The following ORC5 variants were observed in gnomAD, a reference collection of about 807,000 sequenced individuals.
ORC5 encodes protein phosphatase 1, regulatory subunit 117.
ORC5 carries 39 observed loss-of-function variants against 58.8 expected under a neutral mutation model. The ratio of observed to expected loss-of-function variants is 0.66; its 90% CI spans 0.51 to 0.87. The LOEUF is 0.87. Among genes scored for constraint, ORC5 ranks in the 40% least tolerant of loss-of-function variants. The probability of loss-of-function intolerance (pLI) is 0.00; values close to 1 mark genes in which losing one functional copy is unlikely to be tolerated. For missense variants in ORC5, 493 were observed against 506.3 expected (o/e 0.97, Z 0.25); for synonymous variants, 218 against 177.6 (o/e 1.23, Z -1.81).
chr7:104,181,610 G>A (rs1168481969), intron 8 of ORC5, among the ~76,000 whole-genome samples: 1 of 151,706 alleles, frequency 6.6e-6, no homozygotes, highest in Non-Finnish European at 1.5e-5. Context: ...ACGGTGAAAT[G>A]CTGTCTCTAC....
At chr7:104,159,145 C>T (rs1476600082) in intron 12 of ORC5, among the ~76,000 whole-genome samples, 2 of 150,474 alleles carry the variant, frequency 1.3e-5, no homozygotes, top group Non-Finnish European at 2.9e-5. Context: ...TACTATGCAG[C>T]CATAAAAAAT....
chr7:104,163,246 C>A (rs1799052549), intron 11 of ORC5, among the ~76,000 whole-genome samples: 2 of 152,150 alleles, frequency 1.3e-5, no homozygotes, highest in Admixed American at 1.3e-4. Context: ...GTCTCTCCTG[C>A]AGTTAGATAG....
At chr7:104,172,275 A>T (rs1490723666) in intron 8 of ORC5, among the ~76,000 whole-genome samples, 3 of 152,208 alleles carry the variant, frequency 2.0e-5, no homozygotes, top group Non-Finnish European at 4.4e-5. Context: ...AAGTCCTTTC[A>T]TTATTATGTA....
Position 104,129,717 on chromosome 7 carries a change from G to A in ORC5, c.1263-2824C>T, listed in dbSNP as rs1798485843. Reference sequence around the variant, plus strand: ...TCCCTGGCTTTCCATGGTCACAGATGCATATTATAGTCACGTAAGTATAAT... The same window carrying A: ...TCCCTGGCTTTCCATGGTCACAGATACATATTATAGTCACGTAAGTATAAT... On this transcript the variant is annotated intron_variant, in intron 13 of 13. Coordinates refer to ENST00000297431, the MANE Select transcript of ORC5 (RefSeq NM_002553.4). This position sits in a 1 kb window ranked among gnomAD's most constrained non-coding sequence, Gnocchi z 4.9. 6.6e-6 allele frequency among the ~76,000 whole-genome samples: 1 copy of A among 152,160 alleles called. No individual in the cohort carries two copies. The highest frequency in any genetic ancestry group is 2.1e-4 in the South Asian group (1 of 4,826).
intron 5 of ORC5, among the ~76,000 whole-genome samples, chr7:104,189,667 G>A (rs181828065): frequency 1.3e-5 from 2 of 152,248 alleles, no homozygotes; most frequent in East Asian, 3.9e-4. Flanking sequence ...ATATCCACAT[G>A]CTGAGAGGGT....
chr7:104,184,391 T>A (rs1344129321), intron 6 of ORC5: 11 of 507,938 alleles, frequency 2.2e-5, no homozygotes, highest in Non-Finnish European at 3.1e-5. Flanking sequence ...AAGCCTGTAG[T>A]GTGCTGTGAC....
chr7:104,136,769 A>C lies in ORC5; in HGVS notation c.1262+12T>G. 6.6e-7 allele frequency: 1 copy of C among 1,526,582 alleles called. No individual in the cohort carries two copies. Among genetic ancestry groups the C allele is most frequent in the Non-Finnish European group, 9.1e-7 (1 of 1,100,710 alleles). 94.6% of individuals were successfully genotyped at this position (1,526,582 alleles called of 1,614,324 possible). ...TATTTAGTATATCATTACATAATTC[A>C]AGACATTTTACCTTGCAATAGCTCT... On this transcript the variant is annotated intron_variant, in intron 13 of 13. Transcript: ENST00000297431. The surrounding 1 kb of genome is among the most constrained non-coding windows in gnomAD (Gnocchi z 4.2).
Position 104,183,976 on chromosome 7 carries a change from G to T in ORC5, c.791C>A (p.Ala264Asp). The change falls in exon 8 of 14, where the codon GCT (alanine) becomes GAT (aspartate). Residue 264 changes from alanine (A) to aspartate (D), a missense_variant. Around this residue, in one of 3 missense-constraint regions of ORC5, gnomAD observed 412 missense variants for 403.7 expected, o/e 1.02. Coordinates refer to ENST00000297431, the MANE Select transcript of ORC5 (RefSeq NM_002553.4). Reference sequence around the variant, plus strand: ...TTCCCTGAGATAAACAGTCTGCATAGCTTTCTTCAAATGAGGTTCAATATT... The same window carrying T: ...TTCCCTGAGATAAACAGTCTGCATATCTTTCTTCAAATGAGGTTCAATATT... ...WRNIEPHLKK[A>D]MQTVYLREIS... 6.2e-7 allele frequency: 1 copy of T among 1,613,340 alleles called. No homozygotes were observed. The highest frequency in any genetic ancestry group is 8.5e-7 in the Non-Finnish European group (1 of 1,179,568).
At chr7:104,174,086 C>T (rs910216849) in intron 8 of ORC5, among the ~76,000 whole-genome samples, 104 of 151,924 alleles carry the variant, frequency 6.8e-4, no homozygotes, top group African/African-American at 2.4e-3. Context: ...CCTCGTGATC[C>T]GCCCGCCTCG....
At chr7:104,189,315 C>CGGATTCTTATAAA (rs1355923308) in intron 5 of ORC5, among the ~76,000 whole-genome samples, 2 of 152,058 alleles carry the variant, frequency 1.3e-5, no homozygotes, top group Non-Finnish European at 2.9e-5. Context: ...GAATGAGTGC[C>CGGATTCTTATAAA]AGCAGGGAAA....
intron 11 of ORC5, among the ~76,000 whole-genome samples, chr7:104,161,994 A>C (rs905197396): frequency 6.6e-6 from 1 of 152,190 alleles, no homozygotes; most frequent in African/African-American, 2.4e-5. Flanking sequence ...AAAACTAATA[A>C]AATATTTTAT....
At chr7:104,200,641 A>T in intron 3 of ORC5, 117 bp downstream of exon 3, 2 of 660,002 alleles carry the variant, frequency 3.0e-6, no homozygotes, top group Non-Finnish European at 2.6e-6. Context: ...TGTATACTAA[A>T]AGCACCTGGC....
chr7:104,187,719 T>TAAAA, intron 6 of ORC5: 2 of 771,178 alleles, frequency 2.6e-6, no homozygotes, highest in Non-Finnish European at 3.1e-6. Context: ...TTCTAATTGT[T>TAAAA]AAAAAAAAAA....
intron 11 of ORC5, among the ~76,000 whole-genome samples, chr7:104,161,731 C>T (rs1799027276): frequency 6.6e-6 from 1 of 152,160 alleles, no homozygotes; most frequent in South Asian, 2.1e-4. Flanking sequence ...AGATTTCTGA[C>T]TTAGTATCAA....
At chr7:104,142,997 T>C (rs182675702) in intron 12 of ORC5, among the ~76,000 whole-genome samples, 4,964 of 151,044 alleles carry the variant, frequency 0.033, 141 homozygotes, top group South Asian at 0.11. Flanking sequence ...AATGGGAAGA[T>C]ATGTAGTGAA....
intron 8 of ORC5, 70 bp downstream of exon 8, chr7:104,183,869 GTTAT>G: frequency 2.0e-6 from 2 of 979,060 alleles, no homozygotes; most frequent in Non-Finnish European, 3.1e-6. Flanking sequence ...CCCTCTCTCT[GTTAT>G]TTAAGTTGAG....
At chr7:104,197,895 G>A in intron 3 of ORC5, 96 bp from the exon 4 acceptor site, 1 of 697,042 alleles carries the variant, frequency 1.4e-6, no homozygotes, top group Non-Finnish European at 2.4e-6. Context: ...TTCATGTGTT[G>A]GAACTTAATC....
At position 104,163,061 on chromosome 7, in the gene ORC5, A is replaced by G. The variant is rs187782461; in HGVS notation, c.1039-1879T>C. ...ACAGAATTCCATTTTATGACTACTT[A>G]AAAAAATTCATTATTACAAATAATC... On this transcript the variant is annotated intron_variant, in intron 11 of 13. Transcript: ENST00000297431. 2.2e-3 allele frequency among the ~76,000 whole-genome samples: 338 copies of G among 152,334 alleles called. 1 individual carries two copies. The highest frequency in any genetic ancestry group is 3.4e-3 in the Non-Finnish European group (232 of 68,030).
At chr7:104,203,955 G>A (rs1800009058) in intron 2 of ORC5, among the ~76,000 whole-genome samples, 187 bp downstream of exon 2, 1 of 152,178 alleles carries the variant, frequency 6.6e-6, no homozygotes, top group South Asian at 2.1e-4. Context: ...TGAGGAAAGA[G>A]TTAAGAAAGT....
Sources: allele counts gnomAD v4.1 joint callset (sites outside exome capture counted in the v4.1 genomes callset), GRCh38; gene constraint gnomAD v4.1.1; regional missense constraint gnomAD v4.1.1; non-coding constraint Gnocchi (gnomAD v3.1); transcripts MANE v1.5; gene names NCBI Gene and HGNC (gene_info 2026-07-23, HGNC 2026-07-21).